DTD1: variants seen among roughly 807,000 people sequenced by gnomAD.
The protein encoded by DTD1 is D-aminoacyl-tRNA deacylase 1.
A neutral mutation model predicts 25.6 loss-of-function variants in DTD1; 13 were observed. That is an observed-to-expected ratio of 0.51 (90% CI 0.33 to 0.81). The LOEUF (loss-of-function observed/expected upper bound fraction) is 0.81, where lower values mean the gene tolerates loss of function less well. Among genes scored for constraint, DTD1 ranks in the 30% least tolerant of loss-of-function variants. The pLI is 0.02. For missense variants in DTD1, 193 were observed against 266.4 expected (o/e 0.72, Z 1.92); for synonymous variants, 110 against 103.6 (o/e 1.06, Z -0.37).
At chr20:18,628,642 G>T (rs1027663759) in intron 4 of DTD1, among the ~76,000 whole-genome samples, 1 of 152,158 alleles carries the variant, frequency 6.6e-6, no homozygotes, top group Admixed American at 6.5e-5. Flanking sequence ...CCCAAGGTTT[G>T]CTGTAAATCT....
intron 4 of DTD1, among the ~76,000 whole-genome samples, chr20:18,680,881 C>T (rs1251157221): frequency 6.6e-6 from 1 of 152,170 alleles, no homozygotes; most frequent in Non-Finnish European, 1.5e-5. Context: ...GTGAGTTTAT[C>T]TGTATCACAA....
intron 3 of DTD1, among the ~76,000 whole-genome samples, chr20:18,613,245 T>C (rs1600318599): frequency 6.6e-6 from 1 of 152,226 alleles, no homozygotes; most frequent in Non-Finnish European, 1.5e-5. Flanking sequence ...GCTCTGGGTA[T>C]ACAGTGCCGA....
chr20:18,669,136 A>G (rs1292079761), intron 4 of DTD1, among the ~76,000 whole-genome samples: 1 of 146,438 alleles, frequency 6.8e-6, no homozygotes, highest in African/African-American at 2.5e-5. Context: ...AAACATCATG[A>G]GCTGCTGTTT....
chr20:18,663,196 T>C, intron 4 of DTD1, among the ~76,000 whole-genome samples: 1 of 152,146 alleles, frequency 6.6e-6, no homozygotes, highest in South Asian at 2.1e-4. Flanking sequence ...CTTGTTTTCA[T>C]GATCTAGTTT....
At chr20:18,606,894 A>G (rs895466724) in intron 3 of DTD1, among the ~76,000 whole-genome samples, 2 of 151,094 alleles carry the variant, frequency 1.3e-5, no homozygotes, top group East Asian at 2.0e-4. Context: ...AACCTGCACA[A>G]TGTGCACATG....
intron 4 of DTD1, among the ~76,000 whole-genome samples, chr20:18,655,521 A>G (rs1024457088): frequency 4.6e-5 from 7 of 152,222 alleles, no homozygotes; most frequent in Non-Finnish European, 8.8e-5. Flanking sequence ...GGGGTAGTAT[A>G]ATGGACCATC....
chr20:18,600,152 T>C (rs1298848521), intron 3 of DTD1, among the ~76,000 whole-genome samples: 3 of 152,226 alleles, frequency 2.0e-5, no homozygotes, highest in Non-Finnish European at 2.9e-5. Context: ...AGATTGTGCC[T>C]TTGGTATTAT....
At chr20:18,622,398 A>G (rs2060738360) in intron 3 of DTD1, among the ~76,000 whole-genome samples, 1 of 152,212 alleles carries the variant, frequency 6.6e-6, no homozygotes, top group Non-Finnish European at 1.5e-5. Flanking sequence ...ACTGCAGGAA[A>G]AAGAGGTCCC....
At chr20:18,726,756 C>T (rs1023517012) in intron 4 of DTD1, among the ~76,000 whole-genome samples, 3 of 152,180 alleles carry the variant, frequency 2.0e-5, no homozygotes, top group African/African-American at 7.2e-5. Context: ...GGGGGACAGA[C>T]ACCTACCACA....
chr20:18,659,520 T>G (rs2060901681), intron 4 of DTD1, among the ~76,000 whole-genome samples: 1 of 152,252 alleles, frequency 6.6e-6, no homozygotes, highest in Non-Finnish European at 1.5e-5. Flanking sequence ...GTTTGTTTAA[T>G]TTTTTAAATG....
chr20:18,625,844 A>G (rs1193543481), intron 3 of DTD1, among the ~76,000 whole-genome samples: 1 of 151,994 alleles, frequency 6.6e-6, no homozygotes, highest in Non-Finnish European at 1.5e-5. Flanking sequence ...CCTTTAGGGG[A>G]TGTGCTTAGA....
rs1402895115 is a variant in DTD1, at chr20:18,593,709, C to T, written c.44-22C>T. 2.5e-6 allele frequency: 4 copies of T among 1,598,566 alleles called. No individual in the cohort carries two copies. In the African/African-American group the frequency reaches 4.0e-5, roughly 16 times the overall value. ...ACCTTGTTTGGTTCTGAGTTCTTCTCTCCCTTTTGGTTCCTTTCTAGTTGG... is the reference window on the plus strand; with the variant it reads ...ACCTTGTTTGGTTCTGAGTTCTTCTTTCCCTTTTGGTTCCTTTCTAGTTGG... On this transcript the variant is annotated intron_variant, in intron 1 of 5. Transcript: ENST00000377452.
In DTD1 at chr20:18,633,344, C is replaced by T. The variant is rs180677238; in HGVS notation, c.477+5111C>T. ...CTCTTGTCTCAATTCCAGGGTCTCC[C>T]CCTCCTTCTCCAAGAATCTCTGACC... On this transcript the variant is annotated intron_variant, in intron 4 of 5. Coordinates refer to ENST00000377452, the MANE Select transcript of DTD1 (RefSeq NM_080820.6). Among the ~76,000 whole-genome samples the T allele has an allele frequency of 1.2e-4, 18 of 152,246 alleles. No homozygotes were observed. The East Asian group carries it at 2.9e-3, about 25-fold the overall frequency.
intron 4 of DTD1, among the ~76,000 whole-genome samples, chr20:18,692,700 A>G (rs1201172464): frequency 6.6e-6 from 1 of 152,206 alleles, no homozygotes; most frequent in East Asian, 1.9e-4. Context: ...CTTGGCTCCT[A>G]GCACTTGGCA....
intron 3 of DTD1, among the ~76,000 whole-genome samples, chr20:18,623,941 A>C (rs1434548884): frequency 6.9e-6 from 1 of 145,572 alleles, no homozygotes; most frequent in Non-Finnish European, 1.5e-5. Flanking sequence ...AATAGAGGGC[A>C]TGCTACTCCA....
At chr20:18,740,503 G>A (rs774230201) in intron 4 of DTD1, among the ~76,000 whole-genome samples, 52 of 152,064 alleles carry the variant, frequency 3.4e-4, no homozygotes, top group Non-Finnish European at 4.3e-4. Flanking sequence ...ACATGGATGC[G>A]AATATAAAAT....
intron 4 of DTD1, among the ~76,000 whole-genome samples, chr20:18,724,535 C>G (rs1274931553): frequency 1.3e-5 from 2 of 152,014 alleles, no homozygotes; most frequent in South Asian, 2.1e-4. Context: ...TAGAGTTTAA[C>G]TTTTTAATAA....
In DTD1 at chr20:18,649,326, C is replaced by CTTTTTTTTTTTTTTTTTTTTTTT. The variant is rs55766733; in HGVS notation, c.477+21101_477+21123dup. On this transcript the variant is annotated intron_variant, in intron 4 of 5. Transcript: ENST00000377452. ...TGGGCTTTCTCAGCCATTCATCTTT[C>CTTTTTTTTTTTTTTTTTTTTTTT]TTTTTTTTTTTTTTTTTTTTTTTTT... 4.7e-4 allele frequency among the ~76,000 whole-genome samples: 27 copies of CTTTTTTTTTTTTTTTTTTTTTTT among 57,648 alleles called. 8 individuals carry two copies. The highest frequency in any genetic ancestry group is 1.3e-3 in the East Asian group (2 of 1,504). 37.8% of individuals were successfully genotyped at this position (57,648 alleles called of 152,430 possible). A position where few individuals can be genotyped will look rare whatever the true frequency, so the allele number is the denominator to read the frequency against.
chr20:18,744,538 A>G (rs1205991796), intron 5 of DTD1, among the ~76,000 whole-genome samples: 2 of 151,488 alleles, frequency 1.3e-5, no homozygotes, highest in Non-Finnish European at 2.9e-5. Context: ...GAGGCCTCAC[A>G]ATCATGGTTG....
Sources: gnomAD v4.1 joint callset for allele counts (sites outside exome capture counted in the v4.1 genomes callset) on GRCh38, gnomAD v4.1.1 for gene constraint, MANE v1.5 for transcripts, NCBI Gene and HGNC (gene_info 2026-07-23, HGNC 2026-07-21) for gene names.